IL27RA: variants seen among roughly 807,000 people sequenced by gnomAD.
IL27RA encodes interleukin-27 receptor subunit alpha.
In IL27RA, 61 loss-of-function variants were observed where a neutral mutation model predicts 80.8. That is an observed-to-expected ratio of 0.76 (90% CI 0.61 to 0.93). IL27RA has a LOEUF of 0.93. Among genes scored for constraint, IL27RA ranks in the 40% least tolerant of loss-of-function variants. The pLI is 0.00. For synonymous variants in IL27RA, 316 were observed against 332.5 expected, an observed-to-expected ratio of 0.95 and a Z score of 0.54; for missense variants, 735 against 808.1, an observed-to-expected ratio of 0.91 and a Z score of 1.10.
At position 14,047,754 on chromosome 19, in the gene IL27RA, C is replaced by T. The variant is rs984778577; in HGVS notation, c.1141+1136C>T. Reference sequence around the variant, plus strand: ...CTGCAAGCTCCACCTCCTGGGTTCACGCCATTCTCCTGCCTCAGCCTCCCG... The same window carrying T: ...CTGCAAGCTCCACCTCCTGGGTTCATGCCATTCTCCTGCCTCAGCCTCCCG... On this transcript the variant is annotated intron_variant, in intron 8 of 13. Transcript: ENST00000263379. Among the ~76,000 whole-genome samples, 22 of 148,612 alleles carry T rather than the reference C, an allele frequency of 1.5e-4. 1 individual carries two copies. The highest frequency in any genetic ancestry group is 2.0e-4 in the African/African-American group (8 of 40,204).
chr19:14,038,437 A>T (rs1599298097), intron 2 of IL27RA, among the ~76,000 whole-genome samples: 1 of 151,942 alleles, frequency 6.6e-6, no homozygotes, highest in Non-Finnish European at 1.5e-5. Flanking sequence ...AATTAGCTGA[A>T]CATTGTGATG....
chr19:14,051,505 G>A, intron 11 of IL27RA, 102 bp from the exon 12 acceptor site: 1 of 531,044 alleles, frequency 1.9e-6, no homozygotes, highest in Non-Finnish European at 3.0e-6. Flanking sequence ...TCGCACCACT[G>A]CACTCCAGCC....
rs149202847 is a variant in IL27RA, at chr19:14,046,519, C to T, written c.1042C>T (p.Pro348Ser). ...GACCTGGCAACCGGGGCCTGGGGAA[C>T]CACTGGAGCATGTAGTGGACTGGGC... The part of the protein sequence containing the change: ...LVTWQPGPGE[P>S]LEHVVDWARD... Residue 348 changes from proline (P) to serine (S), a missense_variant, in exon 8 of 14, where the codon CCA (proline) becomes TCA (serine). By Grantham distance (74) the Pro-to-Ser change is moderately conservative. Coordinates refer to ENST00000263379, the MANE Select transcript of IL27RA (RefSeq NM_004843.4). The T allele has an allele frequency of 6.2e-3, 9,932 of 1,614,114 alleles. 42 individuals are homozygous for T. The highest frequency in any genetic ancestry group is 7.7e-3 in the Non-Finnish European group (9,101 of 1,180,006).
Position 14,046,611 on chromosome 19 carries a change from G to A in IL27RA, c.1134G>A (p.Leu378=). ...VRLPPGNLSA[L]LPGNFTVGVP... is the part of the protein sequence containing the mutation. ...TTCCCCCTGGGAACCTCAGTGCTCT[G>A]TTACCAGGTGAGGCCCTGGGACACC... Residue 378 remains leucine (L), a synonymous_variant, in exon 8 of 14, where the codon CTG becomes CTA. Transcript: ENST00000263379. The A allele has an allele frequency of 6.2e-7, 1 of 1,600,266 alleles. No individual in the cohort carries two copies. The highest frequency in any genetic ancestry group is 8.5e-7 in the Non-Finnish European group (1 of 1,172,642).
intron 10 of IL27RA, among the ~76,000 whole-genome samples, chr19:14,050,521 A>AG (rs903010330): frequency 1.9e-4 from 29 of 151,214 alleles, no homozygotes; most frequent in South Asian, 4.2e-4. Flanking sequence ...CAAAAAAAAA[A>AG]AAAAAAAAAG....
intron 6 of IL27RA, among the ~76,000 whole-genome samples, chr19:14,045,769 A>C (rs572292919): frequency 0.019 from 2,933 of 151,748 alleles, 106 homozygotes; most frequent in African/African-American, 0.067. Context: ...TCACGCCTGT[A>C]ATCCTAGCAC....
chr19:14,051,552 A>C, intron 11 of IL27RA, 55 bp from the exon 12 acceptor site: 1 of 1,062,870 alleles, frequency 9.4e-7, no homozygotes, highest in Non-Finnish European at 1.3e-6. Flanking sequence ...AAAAATAAAA[A>C]TAAAAAATAA....
chr19:14,043,634 C>T (rs540200263), intron 6 of IL27RA, among the ~76,000 whole-genome samples: 4 of 151,376 alleles, frequency 2.6e-5, no homozygotes, highest in African/African-American at 9.7e-5. Flanking sequence ...CCATCTTGGC[C>T]AGGGGGGCCT....
intron 12 of IL27RA, 84 bp from the exon 13 acceptor site, chr19:14,051,796 G>T: frequency 7.1e-7 from 1 of 1,410,620 alleles, no homozygotes; most frequent in South Asian, 1.2e-5. Context: ...GCCTCAGGGC[G>T]CAGTCACATT....
At chr19:14,040,376 T>G (rs1975972279) in intron 4 of IL27RA, among the ~76,000 whole-genome samples, 1 of 149,972 alleles carries the variant, frequency 6.7e-6, no homozygotes, top group East Asian at 2.0e-4. Flanking sequence ...AAAAAAAATT[T>G]TTTTTCTCCT....
At chr19:14,037,155 T>G (rs1975915177) in intron 2 of IL27RA, among the ~76,000 whole-genome samples, 2 of 151,370 alleles carry the variant, frequency 1.3e-5, no homozygotes, top group Admixed American at 6.6e-5. Flanking sequence ...GATCCATACA[T>G]CTGGTGATGG....
intron 6 of IL27RA, among the ~76,000 whole-genome samples, chr19:14,044,163 C>T (rs1044008091): frequency 9.9e-5 from 15 of 152,050 alleles, no homozygotes; most frequent in African/African-American, 3.6e-4. Flanking sequence ...TTGACCCTTG[C>T]TCTCAGTAAA....
intron 3 of IL27RA, 21 bp from the exon 4 acceptor site, chr19:14,039,732 C>A (rs1975961626): frequency 1.2e-6 from 2 of 1,611,832 alleles, no homozygotes; most frequent in African/African-American, 1.3e-5. Flanking sequence ...GCTCACTACA[C>A]CCTAGTTTCC....
At chr19:14,041,650 C>G (rs1182428669) in intron 4 of IL27RA, among the ~76,000 whole-genome samples, 3 of 152,196 alleles carry the variant, frequency 2.0e-5, no homozygotes, top group Non-Finnish European at 4.4e-5. Flanking sequence ...CCTGCTATAC[C>G]TAGCACATAG....
intron 4 of IL27RA, 43 bp downstream of exon 4, chr19:14,039,953 G>A: frequency 3.8e-6 from 6 of 1,596,074 alleles, no homozygotes; most frequent in South Asian, 2.2e-5. Context: ...TTCCGGGCGG[G>A]GACTGAGGCA....
chr19:14,045,228 A>C, intron 6 of IL27RA, among the ~76,000 whole-genome samples: 1 of 150,600 alleles, frequency 6.6e-6, no homozygotes, highest in Non-Finnish European at 1.5e-5. Flanking sequence ...TTGAGGCTGC[A>C]GTGAGCTATG....
At chr19:14,040,946 C>A (rs1488521158) in intron 4 of IL27RA, among the ~76,000 whole-genome samples, 1 of 150,500 alleles carries the variant, frequency 6.6e-6, no homozygotes, top group African/African-American at 2.5e-5. Context: ...CTTAATTGCC[C>A]AGGCTGGAGT....
At chr19:14,034,997 T>A (rs944180646) in intron 2 of IL27RA, among the ~76,000 whole-genome samples, 1 of 151,630 alleles carries the variant, frequency 6.6e-6, no homozygotes, top group Non-Finnish European at 1.5e-5. Context: ...ACGATATTTT[T>A]AAAAATTTGT....
At chr19:14,047,287 T>C (rs1976082884) in intron 8 of IL27RA, among the ~76,000 whole-genome samples, 1 of 147,422 alleles carries the variant, frequency 6.8e-6, no homozygotes, top group Non-Finnish European at 1.5e-5. Flanking sequence ...TGACCTCAAG[T>C]GATCTGCCTG....
Sources: gnomAD v4.1 joint callset for allele counts (sites outside exome capture counted in the v4.1 genomes callset) on GRCh38, gnomAD v4.1.1 for gene constraint, MANE v1.5 for transcripts, NCBI Gene and HGNC (gene_info 2026-07-23, HGNC 2026-07-21) for gene names.